Variants in CREBBP observed in about 807,000 individuals in gnomAD.
The protein encoded by CREBBP is CREB-binding protein.
A neutral mutation model predicts 265.0 loss-of-function variants in CREBBP; 19 were observed. The ratio of observed to expected loss-of-function variants is 0.07; its 90% CI spans 0.05 to 0.11. The LOEUF is 0.11. Among genes scored for constraint, CREBBP ranks in the 10% least tolerant of loss-of-function variants. The probability of loss-of-function intolerance (pLI) is 1.00; values close to 1 mark genes in which losing one functional copy is unlikely to be tolerated. For missense variants in CREBBP, 2,525 were observed against 3,219.0 expected (o/e 0.78, Z 5.22); for synonymous variants, 1,457 against 1,223.7 (o/e 1.19, Z -3.98).
intron 1 of CREBBP, among the ~76,000 whole-genome samples, chr16:3,875,487 G>A: frequency 6.6e-6 from 1 of 152,150 alleles, no homozygotes; most frequent in Non-Finnish European, 1.5e-5. Context: ...ACCAGAACCA[G>A]AGGGAAAAGG....
intron 2 of CREBBP, among the ~76,000 whole-genome samples, chr16:3,833,397 G>A (rs1217612559): frequency 2.6e-5 from 4 of 151,568 alleles, no homozygotes; most frequent in Admixed American, 6.6e-5. Flanking sequence ...GGGCTACAGA[G>A]TGAGAGTCCA....
chr16:3,757,987 G>A lies in CREBBP; in HGVS notation c.3431C>T (p.Thr1144Ile). Residue 1144 changes from threonine (T) to isoleucine (I), a missense_variant, in exon 18 of 31, where the codon ACA (threonine) becomes ATA (isoleucine). By Grantham distance (89) the Thr-to-Ile change is moderately conservative (BLOSUM62 -1). Transcript: ENST00000262367. ...CTGCCAGGGCTCTTGGTATTGCCCT[G>A]TGTCCAGCTTCCGCTTGATGGTGGA... ...DLSTIKRKLD[T>I]GQYQEPWQYV... The A allele has an allele frequency of 6.2e-7, 1 of 1,613,382 alleles. No individual in the cohort carries two copies. The highest frequency in any genetic ancestry group is 8.5e-7 in the Non-Finnish European group (1 of 1,179,948).
intron 1 of CREBBP, among the ~76,000 whole-genome samples, chr16:3,865,058 C>CAA (rs887679412): frequency 4.2e-5 from 6 of 143,522 alleles, no homozygotes; most frequent in African/African-American, 1.5e-4. Context: ...GACTCTGTCT[C>CAA]AAAAAAAAAA....
intron 12 of CREBBP, among the ~76,000 whole-genome samples, 180 bp downstream of exon 12, chr16:3,774,385 TAACA>T (rs1305339288): frequency 4.6e-5 from 7 of 152,198 alleles, no homozygotes; most frequent in African/African-American, 7.2e-5. Flanking sequence ...ATAAAATAAC[TAACA>T]GTCAAATAAT....
In CREBBP at chr16:3,849,448, T is replaced by TGTGTGTGTGTG. The variant is rs2054769736; in HGVS notation, c.798+838_798+848dup. Among the ~76,000 whole-genome samples the TGTGTGTGTGTG allele has an allele frequency of 1.2e-4, 6 of 50,394 alleles. 1 individual carries two copies. Among genetic ancestry groups the TGTGTGTGTGTG allele is most frequent in the East Asian group, 1.8e-3 (2 of 1,120 alleles). 33.1% of individuals were successfully genotyped at this position (50,394 alleles called of 152,430 possible). On this transcript the variant is annotated intron_variant, in intron 2 of 30. Transcript: ENST00000262367. ...GTGTGTGTGTGTGTGTGTGTGTGTG[T>TGTGTGTGTGTG]GTGTGTGTGTGTGTGTGTGTGTGTG... is the stretch of plus-strand genomic sequence containing the variant.
intron 23 of CREBBP, 138 bp downstream of exon 23, chr16:3,744,756 T>C (rs2052300035): frequency 1.4e-6 from 1 of 735,082 alleles, no homozygotes; most frequent in East Asian, 2.7e-5. Context: ...TACAAAGTAC[T>C]GGGGAAAAAA....
intron 21 of CREBBP, among the ~76,000 whole-genome samples, chr16:3,748,697 T>C (rs911703550): frequency 3.0e-4 from 45 of 152,112 alleles, no homozygotes; most frequent in African/African-American, 1.1e-3. Context: ...GGACAAAAAA[T>C]AGCCAGTATC....
chr16:3,773,320 T>C (rs956383386), intron 13 of CREBBP, among the ~76,000 whole-genome samples: 1 of 152,332 alleles, frequency 6.6e-6, no homozygotes, highest in Non-Finnish European at 1.5e-5. Flanking sequence ...GTTAGCTTGA[T>C]TTCACCTGGC....
intron 1 of CREBBP, among the ~76,000 whole-genome samples, chr16:3,871,656 T>C (rs1015584284): frequency 9.2e-5 from 14 of 152,264 alleles, no homozygotes; most frequent in African/African-American, 3.4e-4. Context: ...CTGGTTATTT[T>C]AACCATAAAG....
chr16:3,858,804 C>T (rs1397277921), intron 1 of CREBBP, among the ~76,000 whole-genome samples: 1 of 152,178 alleles, frequency 6.6e-6, no homozygotes, highest in Non-Finnish European at 1.5e-5. Flanking sequence ...AGGGGACCAC[C>T]CAAGTATATT....
chr16:3,873,001 T>C (rs906493020), intron 1 of CREBBP, among the ~76,000 whole-genome samples: 10 of 152,244 alleles, frequency 6.6e-5, no homozygotes, highest in Non-Finnish European at 1.2e-4. Flanking sequence ...TCACCCTTTC[T>C]GGTTCCAGAG....
intron 30 of CREBBP, among the ~76,000 whole-genome samples, chr16:3,730,987 AG>A (rs574362952): frequency 2.1e-4 from 32 of 152,362 alleles, no homozygotes; most frequent in African/African-American, 6.5e-4. Flanking sequence ...CCCCAGGGTC[AG>A]GCCTGTGGCT....
In CREBBP at chr16:3,726,494, A is replaced by C. The variant is rs903829824; in HGVS notation, c.*1224T>G. 8.6e-6 allele frequency: 2 copies of C among 233,244 alleles called. No homozygotes were observed. Among genetic ancestry groups the C allele is most frequent in the Non-Finnish European group, 1.7e-5 (2 of 118,078 alleles). 14.4% of individuals were successfully genotyped at this position (233,244 alleles called of 1,614,324 possible). A position where few individuals can be genotyped will look rare whatever the true frequency, so the allele number is the denominator to read the frequency against. On this transcript the variant is annotated 3_prime_UTR_variant, in exon 31 of 31. Transcript: ENST00000262367. Reference sequence around the variant, plus strand: ...TAAGCCTGGGCCACAGTTCCCAGCCACCACCCACGCCGCCACAACCACAAC... The same window carrying C: ...TAAGCCTGGGCCACAGTTCCCAGCCCCCACCCACGCCGCCACAACCACAAC...
chr16:3,812,014 G>T (rs1488241999), intron 2 of CREBBP, among the ~76,000 whole-genome samples: 1 of 152,028 alleles, frequency 6.6e-6, no homozygotes, highest in African/African-American at 2.4e-5. Context: ...TAACCCCTGA[G>T]TTGCTTAAGG....
chr16:3,841,731 A>G (rs1226743702), intron 2 of CREBBP, among the ~76,000 whole-genome samples: 1 of 152,176 alleles, frequency 6.6e-6, no homozygotes, highest in East Asian at 1.9e-4. Context: ...GGTTCTATTA[A>G]TTCTTTACTG....
At chr16:3,769,139 A>G (rs770153776) in intron 15 of CREBBP, 35 bp downstream of exon 15, 6 of 1,612,836 alleles carry the variant, frequency 3.7e-6, no homozygotes, top group Admixed American at 3.3e-5. Context: ...AAGTTGCGAT[A>G]CGCAGTCAAT....
chr16:3,774,422 A>T (rs996756134), intron 12 of CREBBP, 147 bp downstream of exon 12: 18 of 1,045,762 alleles, frequency 1.7e-5, no homozygotes, highest in East Asian at 5.0e-5. Flanking sequence ...TAATTTTTTT[A>T]AAATGAGAGA....
At chr16:3,813,534 C>A (rs2053977529) in intron 2 of CREBBP, among the ~76,000 whole-genome samples, 1 of 152,196 alleles carries the variant, frequency 6.6e-6, no homozygotes, top group Admixed American at 6.5e-5. Flanking sequence ...TATAACCAAA[C>A]CGCTGAAACA....
Position 3,739,648 on chromosome 16 carries a change from C to T in CREBBP, c.4210G>A (p.Gly1404Ser), listed in dbSNP as rs2151337114. 1.9e-6 allele frequency: 3 copies of T among 1,614,190 alleles called. No homozygotes were observed. The highest frequency in any genetic ancestry group is 2.5e-6 in the Non-Finnish European group (3 of 1,180,036). Residue 1404 changes from glycine to serine, a missense_variant, in exon 25 of 31, where the codon GGC becomes AGC. Around this residue, in one of 19 missense-constraint regions of CREBBP, gnomAD observed 252 missense variants for 452.5 expected, o/e 0.56. Coordinates refer to ENST00000262367, the MANE Select transcript of CREBBP (RefSeq NM_004380.3). Reference protein sequence around the residue: ...KALFAFEEIDGVDVCFFGMHV... With the variant: ...KALFAFEEIDSVDVCFFGMHV... Reference sequence around the variant, plus strand: ...ATTCCAAAAAAGCAGACATCCACGCCGTCAATTTCCTCAAAAGCAAACAGA... The same window carrying T: ...ATTCCAAAAAAGCAGACATCCACGCTGTCAATTTCCTCAAAAGCAAACAGA...
Sources: allele counts gnomAD v4.1 joint callset (sites outside exome capture counted in the v4.1 genomes callset), GRCh38; gene constraint gnomAD v4.1.1; regional missense constraint gnomAD v4.1.1; transcripts MANE v1.5; gene names NCBI Gene and HGNC (gene_info 2026-07-23, HGNC 2026-07-21).